The following BRCA2 variants were observed in gnomAD, a reference collection of about 807,000 sequenced individuals.
BRCA2 encodes BRCA2 DNA repair associated.
Under a neutral mutation model 276.7 loss-of-function variants are expected in BRCA2, and 203 were observed. The observed-to-expected ratio is 0.73, with a 90% CI of 0.65 to 0.82. The LOEUF (loss-of-function observed/expected upper bound fraction) is 0.82, where lower values mean the gene tolerates loss of function less well. BRCA2 is among the 40% of genes least tolerant of loss of function. The pLI, the probability that BRCA2 is intolerant of heterozygous loss-of-function variation, is 0.00. For missense variants in BRCA2, 3,920 were observed against 3,915.0 expected (o/e 1.00, Z -0.03); for synonymous variants, 1,289 against 1,338.4 (o/e 0.96, Z 0.81).
chr13:32,353,271 C>T (rs571345889), intron 13 of BRCA2, among the ~76,000 whole-genome samples: 2 of 152,296 alleles, frequency 1.3e-5, no homozygotes, highest in African/African-American at 4.8e-5. Flanking sequence ...CCTCTTTTCA[C>T]TTATCTCTTT....
intron 16 of BRCA2, among the ~76,000 whole-genome samples, chr13:32,358,811 G>A (rs1031639790): frequency 3.3e-5 from 5 of 151,862 alleles, no homozygotes; most frequent in Non-Finnish European, 5.9e-5. Context: ...ATGCATGCCC[G>A]TAATCCCAGC....
intron 20 of BRCA2, among the ~76,000 whole-genome samples, chr13:32,373,322 A>G (rs2072847972): frequency 6.6e-6 from 1 of 150,446 alleles, no homozygotes; most frequent in South Asian, 2.2e-4. Flanking sequence ...CCTGGCCAAC[A>G]TGGTGAAACC....
chr13:32,398,763 A>G lies in BRCA2; in HGVS notation c.10250A>G (p.Tyr3417Cys), dbSNP rs730881600. Residue 3417 changes from tyrosine to cysteine, a missense_variant, in exon 27 of 27, where the codon TAT (tyrosine) becomes TGT (cysteine). Tyr to Cys is a radical substitution (Grantham distance 194, BLOSUM62 -2). This residue lies in a region of BRCA2 where 657 missense variants were observed against 758.2 expected (regional missense o/e 0.87). Coordinates refer to ENST00000380152, the MANE Select transcript of BRCA2 (RefSeq NM_000059.4). ...CAGGACACAATTACAACTAAAAAATATATCTAAGCATTTGCAAAGGCGACA... is the reference window on the plus strand; with the variant it reads ...CAGGACACAATTACAACTAAAAAATGTATCTAAGCATTTGCAAAGGCGACA... ...NKQDTITTKK[Y>C]I is the part of the protein sequence containing the mutation. 3 of 1,613,842 alleles carry G rather than the reference A, an allele frequency of 1.9e-6. No individual in the cohort carries two copies. The highest frequency in any genetic ancestry group is 2.5e-6 in the Non-Finnish European group (3 of 1,179,954).
At position 32,371,040 on chromosome 13, in the gene BRCA2, C is replaced by A. The variant is rs80359112; in HGVS notation, c.8572C>A (p.Gln2858Lys). 30 of 1,613,808 alleles carry A rather than the reference C, an allele frequency of 1.9e-5. No individual in the cohort carries two copies. Among genetic ancestry groups the A allele is most frequent in the Non-Finnish European group, 2.5e-5 (29 of 1,179,954 alleles). ...EKEAAKYVEA[Q>K]QKRLEALFTK... is the part of the protein sequence containing the mutation. ...GGAAGCAGCAAAATATGTGGAGGCC[C>A]AACAAAAGAGACTAGAAGCCTTATT... Residue 2858 changes from glutamine (Q) to lysine (K), a missense_variant, in exon 20 of 27, where the codon CAA becomes AAA. Gln to Lys is a moderately conservative substitution (Grantham distance 53, BLOSUM62 1). Coordinates refer to ENST00000380152, the MANE Select transcript of BRCA2 (RefSeq NM_000059.4).
Position 32,380,056 on chromosome 13 carries a change from A to G in BRCA2, c.9167A>G (p.His3056Arg), listed in dbSNP as rs587776474. The change falls in exon 24 of 27, where the codon CAC (histidine) becomes CGC (arginine). Residue 3056 changes from histidine (H) to arginine (R), a missense_variant. By Grantham distance (29) the His-to-Arg change is conservative (BLOSUM62 0). This residue lies in a region of BRCA2 where 657 missense variants were observed against 758.2 expected (regional missense o/e 0.87). Coordinates refer to ENST00000380152, the MANE Select transcript of BRCA2 (RefSeq NM_000059.4). ...FQIYQPREPL[H>R]FSKFLDPDFQ... is the part of the protein sequence containing the mutation. ...ATTTACCAGCCACGGGAGCCCCTTCACTTCAGCAAATTTTTAGATCCAGAC... is the reference window on the plus strand; with the variant it reads ...ATTTACCAGCCACGGGAGCCCCTTCGCTTCAGCAAATTTTTAGATCCAGAC... 1 of 1,614,124 alleles carries G rather than the reference A, an allele frequency of 6.2e-7. No individual in the cohort carries two copies. Among genetic ancestry groups the G allele is most frequent in the Non-Finnish European group, 8.5e-7 (1 of 1,180,004 alleles).
At position 32,333,271 on chromosome 13, in the gene BRCA2, C is replaced by T. The variant is rs80358462; in HGVS notation, c.1793C>T (p.Thr598Ile). The change falls in exon 10 of 27, where the codon ACA becomes ATA. Residue 598 changes from threonine (T) to isoleucine (I), a missense_variant. By Grantham distance (89) the Thr-to-Ile change is moderately conservative. Around this residue, in one of 2 missense-constraint regions of BRCA2, gnomAD observed 3,263 missense variants for 3,156.9 expected, o/e 1.03. Coordinates refer to ENST00000380152, the MANE Select transcript of BRCA2 (RefSeq NM_000059.4). ...NKFIYAIHDE[T>I]SYKGKKIPKD... ...TTTATTTATGCTATACATGATGAAA[C>T]ATCTTATAAAGGAAAAAAAATACCG... The T allele has an allele frequency of 8.1e-6, 13 of 1,606,752 alleles. No individual in the cohort carries two copies. Among genetic ancestry groups the T allele is most frequent in the Middle Eastern group, 1.7e-4 (1 of 6,040 alleles).
chr13:32,327,856 C>T (rs947604563), intron 7 of BRCA2, among the ~76,000 whole-genome samples: 1 of 151,420 alleles, frequency 6.6e-6, no homozygotes, highest in East Asian at 2.0e-4. Flanking sequence ...GCAGCCTCAA[C>T]CTCCCAGGCT....
At chr13:32,397,457 T>C (rs960312854) in intron 26 of BRCA2, among the ~76,000 whole-genome samples, 1 of 152,210 alleles carries the variant, frequency 6.6e-6, no homozygotes, top group African/African-American at 2.4e-5. Context: ...GTATCTATAT[T>C]AACTCATTTA....
Position 32,379,525 on chromosome 13 carries a change from T to C in BRCA2, c.8953+10T>C. On this transcript the variant is annotated intron_variant, in intron 22 of 26. Coordinates refer to ENST00000380152, the MANE Select transcript of BRCA2 (RefSeq NM_000059.4). The stretch of plus-strand genomic sequence containing the variant: ...AAAGAAAAAGATTCAGGTAAGTATG[T>C]AAATGCTTTGTTTTTATCAGTTTTA... 6.2e-7 allele frequency: 1 copy of C among 1,610,742 alleles called. No individual in the cohort carries two copies. Among genetic ancestry groups the C allele is most frequent in the Non-Finnish European group, 8.5e-7 (1 of 1,178,646 alleles).
Position 32,349,948 on chromosome 13 carries a change from T to C in BRCA2, c.7007+3052T>C, listed in dbSNP as rs1313054658. Reference sequence around the variant, plus strand: ...TAGAAGGTGAACACACTAGGCACAGTTGAAGGCAGAAGCAACTACTTGAAA... The same window carrying C: ...TAGAAGGTGAACACACTAGGCACAGCTGAAGGCAGAAGCAACTACTTGAAA... On this transcript the variant is annotated intron_variant, in intron 13 of 26. Transcript: ENST00000380152. Among the ~76,000 whole-genome samples the C allele has an allele frequency of 2.0e-5, 3 of 152,092 alleles. 1 individual carries two copies. The highest frequency in any genetic ancestry group is 4.2e-4 in the South Asian group (2 of 4,814).
Position 32,398,910 on chromosome 13 carries a change from T to A in BRCA2, c.*140T>A. 1 of 1,153,620 alleles carries A rather than the reference T, an allele frequency of 8.7e-7. No individual in the cohort carries two copies. The highest frequency in any genetic ancestry group is 1.2e-6 in the Non-Finnish European group (1 of 845,310). 71.5% of individuals were successfully genotyped at this position (1,153,620 alleles called of 1,614,324 possible). A position where few individuals can be genotyped will look rare whatever the true frequency, so the allele number is the denominator to read the frequency against. On this transcript the variant is annotated 3_prime_UTR_variant, in exon 27 of 27. Coordinates refer to ENST00000380152, the MANE Select transcript of BRCA2 (RefSeq NM_000059.4). Reference sequence around the variant, plus strand: ...AGTTTCAAATTTACCTCAGCGTTTGTGTATCGGGCAAAAATCGTTTTGCCC... The same window carrying A: ...AGTTTCAAATTTACCTCAGCGTTTGAGTATCGGGCAAAAATCGTTTTGCCC...
In BRCA2 at chr13:32,326,590, C is replaced by A. The variant is rs398122547; in HGVS notation, c.608C>A (p.Thr203Asn). ...SWSSSLATPP[T>N]LSSTVLIVRN... ...TCAAGTTCTTTAGCTACACCACCCA[C>A]CCTTAGTTCTACTGTGCTCATAGGT... Residue 203 changes from threonine (T) to asparagine (N), a missense_variant, in exon 7 of 27, where the codon ACC (threonine) becomes AAC (asparagine). Transcript: ENST00000380152. 2.5e-6 allele frequency: 4 copies of A among 1,609,098 alleles called. No homozygotes were observed. Among genetic ancestry groups the A allele is most frequent in the Admixed American group, 3.3e-5 (2 of 60,010 alleles).
intron 12 of BRCA2, among the ~76,000 whole-genome samples, chr13:32,345,128 G>A (rs573339929): frequency 1.3e-5 from 2 of 152,078 alleles, no homozygotes; most frequent in South Asian, 4.2e-4. Flanking sequence ...AATAAGTATT[G>A]TCACTTATTT....
Position 32,399,797 on chromosome 13 carries a change from T to TG in BRCA2, c.*1027_*1028insG, listed in dbSNP as rs2073069416. On this transcript the variant is annotated 3_prime_UTR_variant, in exon 27 of 27. Transcript: ENST00000380152. ...TCATTTGTTACGTCCTTTTTTTTTT[T>TG]TTTTGGAGATGGAGTCTTGCTTTGT... 1 of 154,220 alleles carries TG rather than the reference T, an allele frequency of 6.5e-6. No individual in the cohort carries two copies. Among genetic ancestry groups the TG allele is most frequent in the Non-Finnish European group, 1.4e-5 (1 of 69,270 alleles). 9.6% of individuals were successfully genotyped at this position (154,220 alleles called of 1,614,324 possible). A position where few individuals can be genotyped will look rare whatever the true frequency, so the allele number is the denominator to read the frequency against.
Position 32,340,525 on chromosome 13 carries a change from G to A in BRCA2, c.6170G>A (p.Gly2057Glu), listed in dbSNP as rs876660308. Residue 2057 changes from glycine (G) to glutamate (E), a missense_variant, in exon 11 of 27, where the codon GGA becomes GAA. Transcript: ENST00000380152. ...GTGGTAAATTCATCTGCTTTCTCTG[G>A]ATTTAGTACAGCAAGTGGAAAGCAA... ...YNVVNSSAFS[G>E]FSTASGKQVS... 6.2e-7 allele frequency: 1 copy of A among 1,613,390 alleles called. No individual in the cohort carries two copies. The highest frequency in any genetic ancestry group is 8.5e-7 in the Non-Finnish European group (1 of 1,179,650).
chr13:32,356,740 T>TCC, intron 15 of BRCA2, 131 bp downstream of exon 15: 1 of 1,167,644 alleles, frequency 8.6e-7, no homozygotes, highest in Non-Finnish European at 1.2e-6. Context: ...GAAATCATCA[T>TCC]ATTTTCTAAT....
At chr13:32,346,785 T>C in intron 12 of BRCA2, 42 bp from the exon 13 acceptor site, 1 of 1,498,904 alleles carries the variant, frequency 6.7e-7, no homozygotes, top group South Asian at 1.2e-5. Flanking sequence ...GATATTCTCT[T>C]AGATTTTAAC....
In BRCA2 at chr13:32,344,604, A is replaced by T. The variant is rs879255335; in HGVS notation, c.6888A>T (p.Ile2296=). 1 of 1,583,760 alleles carries T rather than the reference A, an allele frequency of 6.3e-7. No homozygotes were observed. Among genetic ancestry groups the T allele is most frequent in the Non-Finnish European group, 8.7e-7 (1 of 1,152,988 alleles). ...ACTTATTAAATGAATTTGACAGGAT[A>T]ATAGAAAATCAAGAAAAATCCTTAA... The part of the protein sequence containing the change: ...KRNLLNEFDR[I]IENQEKSLKA... Residue 2296 remains isoleucine, a synonymous_variant, in exon 12 of 27, where the codon ATA becomes ATT. Coordinates refer to ENST00000380152, the MANE Select transcript of BRCA2 (RefSeq NM_000059.4).
Position 32,398,546 on chromosome 13 carries a change from G to A in BRCA2, c.10033G>A (p.Ala3345Thr), listed in dbSNP as rs546597661. 6.2e-7 allele frequency: 1 copy of A among 1,614,158 alleles called. No homozygotes were observed. Among genetic ancestry groups the A allele is most frequent in the Admixed American group, 1.7e-5 (1 of 60,016 alleles). ...TAATTCAATAGCTGACGAAGAACTTGCATTGATAAATACCCAAGCTCTTTT... is the reference window on the plus strand; with the variant it reads ...TAATTCAATAGCTGACGAAGAACTTACATTGATAAATACCCAAGCTCTTTT... ...ESNSIADEEL[A>T]LINTQALLSG... The change falls in exon 27 of 27, where the codon GCA (alanine) becomes ACA (threonine). Residue 3345 changes from alanine (A) to threonine (T), a missense_variant. Around this residue, in one of 2 missense-constraint regions of BRCA2, gnomAD observed 657 missense variants for 758.2 expected, o/e 0.87. Coordinates refer to ENST00000380152, the MANE Select transcript of BRCA2 (RefSeq NM_000059.4).
Sources: gnomAD v4.1 joint callset for allele counts (sites outside exome capture counted in the v4.1 genomes callset) on GRCh38, gnomAD v4.1.1 for gene constraint, gnomAD v4.1.1 regional missense constraint, MANE v1.5 for transcripts, NCBI Gene and HGNC (gene_info 2026-07-23, HGNC 2026-07-21) for gene names.